Variants in LRP1B observed in about 807,000 individuals in gnomAD.
LRP1B encodes low-density lipoprotein receptor-related protein 1B.
In LRP1B, 217 loss-of-function variants were observed where a neutral mutation model predicts 556.6. The ratio of observed to expected loss-of-function variants is 0.39; its 90% CI spans 0.35 to 0.44. LRP1B has a LOEUF of 0.44. Among genes scored for constraint, LRP1B ranks in the 20% least tolerant of loss-of-function variants. The pLI, the probability that LRP1B is intolerant of heterozygous loss-of-function variation, is 1.00. For missense variants in LRP1B, 5,053 were observed against 5,620.8 expected (o/e 0.90, Z 3.23); for synonymous variants, 2,047 against 1,865.8 (o/e 1.10, Z -2.50).
intron 86 of LRP1B, among the ~76,000 whole-genome samples, chr2:140,265,647 T>C (rs1473024916): frequency 6.6e-6 from 1 of 152,076 alleles, no homozygotes; most frequent in Non-Finnish European, 1.5e-5. Context: ...CCAACAAAAA[T>C]AAAGCAAGCA....
chr2:142,075,720 C>T (rs924891271), intron 1 of LRP1B, among the ~76,000 whole-genome samples: 1 of 151,992 alleles, frequency 6.6e-6, no homozygotes, highest in Non-Finnish European at 1.5e-5. Context: ...TTTCTGTTTC[C>T]CTCCGCCTCT....
intron 5 of LRP1B, among the ~76,000 whole-genome samples, chr2:141,234,207 T>C (rs574741472): frequency 3.9e-5 from 6 of 152,044 alleles, no homozygotes; most frequent in Admixed American, 3.9e-4. Context: ...TTTTATCATA[T>C]ACAAATTATA....
chr2:141,497,430 A>C (rs1683546519), intron 2 of LRP1B, among the ~76,000 whole-genome samples: 1 of 152,068 alleles, frequency 6.6e-6, no homozygotes, highest in South Asian at 2.1e-4. Context: ...GAAAACAAAC[A>C]AAAAACACCT....
At chr2:140,749,142 G>C (rs1382304643) in intron 35 of LRP1B, among the ~76,000 whole-genome samples, 2 of 151,736 alleles carry the variant, frequency 1.3e-5, no homozygotes, top group African/African-American at 4.8e-5. Context: ...CAATATAAGA[G>C]ATTAAAAATG....
chr2:140,674,050 G>A (rs1367452970), intron 41 of LRP1B, among the ~76,000 whole-genome samples: 4 of 151,328 alleles, frequency 2.6e-5, no homozygotes, highest in African/African-American at 9.7e-5. Context: ...CTGGGTTCAA[G>A]CGATTCTCCT....
intron 15 of LRP1B, 135 bp from the exon 16 acceptor site, chr2:140,994,270 T>A (rs1050664862): frequency 5.8e-5 from 40 of 693,364 alleles, no homozygotes; most frequent in Non-Finnish European, 1.9e-5. Flanking sequence ...CTTCTCTGTC[T>A]ACCTTATTTT....
intron 72 of LRP1B, among the ~76,000 whole-genome samples, chr2:140,361,592 A>T (rs1248611856): frequency 1.3e-5 from 2 of 150,748 alleles, no homozygotes; most frequent in Non-Finnish European, 3.0e-5. Flanking sequence ...TTGCTGAAAC[A>T]TGTTATTACT....
At position 140,370,891 on chromosome 2, in the gene LRP1B, C is replaced by A. The variant is rs751579585; in HGVS notation, c.10876-49G>T. 11 of 1,582,460 alleles carry A rather than the reference C, an allele frequency of 7.0e-6. No homozygotes were observed. In the South Asian group the frequency reaches 1.2e-4, roughly 18 times the overall value. On this transcript the variant is annotated intron_variant, in intron 70 of 90. Coordinates refer to ENST00000389484, the MANE Select transcript of LRP1B (RefSeq NM_018557.3). ...GCAGTTTTCATTAATGATAATGATA[C>A]AATCATGGGCAAAATAAACATGCAG...
At chr2:140,866,241 A>T (rs1003271080) in intron 27 of LRP1B, among the ~76,000 whole-genome samples, 2 of 152,118 alleles carry the variant, frequency 1.3e-5, no homozygotes, top group Non-Finnish European at 2.9e-5. Context: ...TGTCATCTAC[A>T]GTGTTTGCTT....
chr2:140,731,315 C>G (rs1002542677), intron 35 of LRP1B, among the ~76,000 whole-genome samples: 6 of 152,116 alleles, frequency 3.9e-5, no homozygotes, highest in African/African-American at 1.4e-4. Context: ...CAATGTCTTC[C>G]TCCAGCTTTC....
intron 1 of LRP1B, among the ~76,000 whole-genome samples, chr2:142,032,579 TTTTAG>T (rs1703745876): frequency 6.6e-6 from 1 of 151,802 alleles, no homozygotes; most frequent in Non-Finnish European, 1.5e-5. Flanking sequence ...TCATCATTAT[TTTTAG>T]TTTAATTTTT....
chr2:140,382,765 T>C (rs1042575790), intron 67 of LRP1B, among the ~76,000 whole-genome samples: 2 of 152,192 alleles, frequency 1.3e-5, no homozygotes, highest in African/African-American at 2.4e-5. Context: ...ATCAGATTCA[T>C]AAACAAAGAA....
intron 35 of LRP1B, among the ~76,000 whole-genome samples, chr2:140,746,194 A>G (rs1050269558): frequency 6.6e-6 from 1 of 152,134 alleles, no homozygotes; most frequent in African/African-American, 2.4e-5. Context: ...CTACTCTAAC[A>G]GTGAAAGAAA....
chr2:141,710,407 A>G (rs938635682), intron 2 of LRP1B, among the ~76,000 whole-genome samples: 6 of 152,126 alleles, frequency 3.9e-5, no homozygotes, highest in Non-Finnish European at 7.4e-5. Context: ...TATCTTGACA[A>G]AACACCTTCA....
chr2:141,416,674 T>G (rs999240991), intron 3 of LRP1B, among the ~76,000 whole-genome samples: 3 of 152,168 alleles, frequency 2.0e-5, no homozygotes, highest in African/African-American at 4.8e-5. Context: ...AGGCTGGTCT[T>G]GAACTCCTGA....
chr2:142,089,803 A>C (rs1706092132), intron 1 of LRP1B, among the ~76,000 whole-genome samples: 1 of 152,216 alleles, frequency 6.6e-6, no homozygotes, highest in Non-Finnish European at 1.5e-5. Flanking sequence ...AAAATTGCAA[A>C]GTTTAAGCCT....
intron 43 of LRP1B, among the ~76,000 whole-genome samples, chr2:140,568,471 T>C (rs1475576120): frequency 6.6e-6 from 1 of 151,868 alleles, no homozygotes; most frequent in African/African-American, 2.4e-5. Flanking sequence ...GTAAAGGAAG[T>C]CTACAGAACT....
At chr2:141,692,823 G>C (rs1422110983) in intron 2 of LRP1B, among the ~76,000 whole-genome samples, 1 of 152,014 alleles carries the variant, frequency 6.6e-6, no homozygotes, top group African/African-American at 2.4e-5. Flanking sequence ...CTCAGCAACT[G>C]TAATACAATG....
At chr2:140,837,273 A>G (rs1255801879) in intron 31 of LRP1B, among the ~76,000 whole-genome samples, 3 of 152,208 alleles carry the variant, frequency 2.0e-5, no homozygotes, top group African/African-American at 7.2e-5. Context: ...GCTCAAGGGC[A>G]CTGAGTTAAA....
Sources: gnomAD v4.1 joint callset for allele counts (sites outside exome capture counted in the v4.1 genomes callset) on GRCh38, gnomAD v4.1.1 for gene constraint, MANE v1.5 for transcripts, NCBI Gene and HGNC (gene_info 2026-07-23, HGNC 2026-07-21) for gene names.